Variants in GRM8 observed in about 807,000 individuals in gnomAD.
GRM8 encodes metabotropic glutamate receptor 8.
Under a neutral mutation model 87.2 loss-of-function variants are expected in GRM8, and 47 were observed. The observed-to-expected ratio is 0.54, with a 90% confidence interval of 0.43 to 0.69. The LOEUF is 0.69. Among genes scored for constraint, GRM8 ranks in the 30% least tolerant of loss-of-function variants. The pLI, the probability that GRM8 is intolerant of heterozygous loss-of-function variation, is 0.00. For missense variants in GRM8, 1,019 were observed against 1,139.2 expected (o/e 0.89, Z 1.52); for synonymous variants, 396 against 404.5 (o/e 0.98, Z 0.25).
chr7:126,913,659 G>T (rs2131308812), intron 3 of GRM8, among the ~76,000 whole-genome samples: 1 of 152,248 alleles, frequency 6.6e-6, no homozygotes, highest in East Asian at 1.9e-4. Context: ...AGACATAAGT[G>T]AACTAACAAT....
At chr7:126,554,442 A>AATG (rs536534635) in intron 8 of GRM8, among the ~76,000 whole-genome samples, 2 of 151,548 alleles carry the variant, frequency 1.3e-5, no homozygotes, top group South Asian at 4.2e-4. Flanking sequence ...TAATAATAAT[A>AATG]ATTAGCCTGA....
chr7:126,579,866 A>C (rs1045535813), intron 8 of GRM8, among the ~76,000 whole-genome samples: 3 of 152,168 alleles, frequency 2.0e-5, no homozygotes, highest in Admixed American at 6.6e-5. Flanking sequence ...GTTACTAAGT[A>C]AATTTTGAAA....
At chr7:126,873,811 T>C (rs528766337) in intron 6 of GRM8, among the ~76,000 whole-genome samples, 30 of 152,080 alleles carry the variant, frequency 2.0e-4, no homozygotes, top group Non-Finnish European at 4.1e-4. Flanking sequence ...GCATCCATGA[T>C]CTCAAAAAGT....
intron 7 of GRM8, among the ~76,000 whole-genome samples, chr7:126,631,178 A>G (rs1801216361): frequency 6.6e-6 from 1 of 152,078 alleles, no homozygotes; most frequent in Non-Finnish European, 1.5e-5. Flanking sequence ...ATAAACCACT[A>G]CTGCAAAGTC....
chr7:126,735,624 C>T (rs1814121471), intron 7 of GRM8, among the ~76,000 whole-genome samples: 1 of 151,896 alleles, frequency 6.6e-6, no homozygotes, highest in Admixed American at 6.6e-5. Flanking sequence ...CAAAGGACGC[C>T]ATGTTGTTAC....
chr7:126,442,939 C>T (rs185283579), intron 10 of GRM8, among the ~76,000 whole-genome samples: 11 of 152,014 alleles, frequency 7.2e-5, no homozygotes, highest in Non-Finnish European at 1.5e-4. Flanking sequence ...GCAGATACCT[C>T]GCAAGAATCT....
At chr7:126,838,737 C>G (rs1365538421) in intron 6 of GRM8, among the ~76,000 whole-genome samples, 1 of 152,194 alleles carries the variant, frequency 6.6e-6, no homozygotes, top group African/African-American at 2.4e-5. Context: ...ACATTGTTCT[C>G]TCCTGAATTT....
intron 2 of GRM8, among the ~76,000 whole-genome samples, chr7:127,216,123 A>C (rs1426898904): frequency 1.3e-5 from 2 of 152,190 alleles, no homozygotes; most frequent in Non-Finnish European, 2.9e-5. Context: ...AAAGTGATTA[A>C]AACAGGAACT....
At chr7:126,611,566 T>C (rs943458582) in intron 7 of GRM8, among the ~76,000 whole-genome samples, 13 of 152,362 alleles carry the variant, frequency 8.5e-5, no homozygotes, top group Admixed American at 3.9e-4. Context: ...GATCAACTTC[T>C]GACATTTATA....
chr7:127,115,531 A>T (rs1204405787), intron 2 of GRM8, among the ~76,000 whole-genome samples: 1 of 152,250 alleles, frequency 6.6e-6, no homozygotes, highest in African/African-American at 2.4e-5. Context: ...TAATGATTTT[A>T]ATCAAATTGG....
rs190493613 is a variant in GRM8 at position 126,801,494 on chromosome 7, T to C, written c.1157-31429A>G. ...TATTTTTCTTATAATTTATTTTGGGTAAAATGAAAATGATGATATGCTTAT... is the reference window on the plus strand; with the variant it reads ...TATTTTTCTTATAATTTATTTTGGGCAAAATGAAAATGATGATATGCTTAT... On this transcript the variant is annotated intron_variant, in intron 6 of 10. Coordinates refer to ENST00000339582, the MANE Select transcript of GRM8 (RefSeq NM_000845.3). Among the ~76,000 whole-genome samples, 29 of 152,310 alleles carry C rather than the reference T, an allele frequency of 1.9e-4. 1 individual carries two copies. The highest frequency in any genetic ancestry group is 3.2e-4 in the Non-Finnish European group (22 of 68,030).
chr7:126,612,642 C>G (rs1799036076), intron 7 of GRM8, among the ~76,000 whole-genome samples: 1 of 152,204 alleles, frequency 6.6e-6, no homozygotes, highest in South Asian at 2.1e-4. Flanking sequence ...GTGCTCAACA[C>G]TGGGTGGACC....
chr7:126,850,876 C>T (rs747994048), intron 6 of GRM8, among the ~76,000 whole-genome samples: 9 of 152,098 alleles, frequency 5.9e-5, no homozygotes, highest in South Asian at 2.1e-4. Flanking sequence ...GGTAACAGTG[C>T]GAGGCAGGCT....
intron 3 of GRM8, among the ~76,000 whole-genome samples, chr7:126,937,131 A>G (rs200014670): frequency 1.3e-5 from 2 of 152,130 alleles, no homozygotes; most frequent in East Asian, 3.9e-4. Context: ...TCCTTCAAGA[A>G]TCTCCTATAT....
Position 126,445,949 on chromosome 7 carries a change from A to T in GRM8, c.2677+177T>A, listed in dbSNP as rs1329065156. 4.3e-6 allele frequency: 3 copies of T among 698,298 alleles called. No homozygotes were observed. In the South Asian group the frequency reaches 5.4e-5, roughly 13 times the overall value. 43.3% of individuals were successfully genotyped at this position (698,298 alleles called of 1,614,324 possible). A position where few individuals can be genotyped will look rare whatever the true frequency, so the allele number is the denominator to read the frequency against. On this transcript the variant is annotated intron_variant, in intron 10 of 10. Transcript: ENST00000339582. ...TTTGTACTCTGTAGAACAGCCGCTCATCTTGAGACCATTTGCTTCGAATGG... is the reference window on the plus strand; with the variant it reads ...TTTGTACTCTGTAGAACAGCCGCTCTTCTTGAGACCATTTGCTTCGAATGG...
intron 8 of GRM8, among the ~76,000 whole-genome samples, chr7:126,534,220 G>A (rs945019849): frequency 7.2e-5 from 11 of 152,042 alleles, no homozygotes; most frequent in South Asian, 2.1e-4. Flanking sequence ...AAGAAGCCCC[G>A]TAGAAAGATG....
intron 7 of GRM8, among the ~76,000 whole-genome samples, chr7:126,692,423 G>A (rs1808925724): frequency 6.6e-6 from 1 of 152,184 alleles, no homozygotes; most frequent in South Asian, 2.1e-4. Context: ...CCCCACCAAG[G>A]ACAGTGATGA....
chr7:127,044,942 T>A (rs1344108500), intron 3 of GRM8, among the ~76,000 whole-genome samples: 1 of 152,192 alleles, frequency 6.6e-6, no homozygotes, highest in African/African-American at 2.4e-5. Flanking sequence ...TGCTTCAGAT[T>A]TTTTTATTTT....
intron 9 of GRM8, among the ~76,000 whole-genome samples, chr7:126,491,348 A>T (rs571110398): frequency 2.6e-5 from 4 of 152,186 alleles, no homozygotes; most frequent in Admixed American, 2.6e-4. Flanking sequence ...TCAAAAACAA[A>T]AGCGTTTTAA....
Sources: allele counts gnomAD v4.1 joint callset (sites outside exome capture counted in the v4.1 genomes callset), GRCh38; gene constraint gnomAD v4.1.1; transcripts MANE v1.5; gene names NCBI Gene and HGNC (gene_info 2026-07-23, HGNC 2026-07-21).